TCERG1: variants seen among roughly 807,000 people sequenced by gnomAD.
TCERG1 encodes TATA box binding protein (TBP)-associated factor, RNA polymerase II, S, 150kD.
In TCERG1, 37 loss-of-function variants were observed where a neutral mutation model predicts 144.7. That is an observed-to-expected ratio of 0.26 (90% CI 0.20 to 0.34). The LOEUF is 0.34. TCERG1 is among the 10% of genes least tolerant of loss of function. The pLI, the probability that TCERG1 is intolerant of heterozygous loss-of-function variation, is 1.00. For synonymous variants in TCERG1, 492 were observed against 458.2 expected, an observed-to-expected ratio of 1.07 and a Z score of -0.94; for missense variants, 1,027 against 1,380.7, an observed-to-expected ratio of 0.74 and a Z score of 4.06.
intron 1 of TCERG1, among the ~76,000 whole-genome samples, chr5:146,451,988 A>T (rs761262598): frequency 6.6e-6 from 1 of 151,578 alleles, no homozygotes; most frequent in South Asian, 2.1e-4. Context: ...GGGTTTTGCT[A>T]TGTTGGCCAG....
In TCERG1 at chr5:146,469,965, T is replaced by A. The variant is rs199592932; in HGVS notation, c.1399+221T>A. 2.6e-4 allele frequency among the ~76,000 whole-genome samples: 39 copies of A among 152,320 alleles called. No individual in the cohort carries two copies. The East Asian group carries it at 5.2e-3, about 20-fold the overall frequency. ...TTTTCCATCTGGAGAAATGGTTATA[T>A]GTACGTACATATGTATGTACATATT... On this transcript the variant is annotated intron_variant, in intron 7 of 22. Coordinates refer to ENST00000679501, the MANE Select transcript of TCERG1 (RefSeq NM_001382548.1).
intron 8 of TCERG1, 53 bp downstream of exon 8, chr5:146,470,801 C>A: frequency 1.5e-6 from 2 of 1,303,236 alleles, no homozygotes; most frequent in South Asian, 1.3e-5. Flanking sequence ...TTTCCTACAG[C>A]TTACTTGTAT....
Position 146,491,344 on chromosome 5 carries a change from G to A in TCERG1, c.2164-1576G>A, listed in dbSNP as rs1043162336. Among the ~76,000 whole-genome samples, 4 of 152,076 alleles carry A rather than the reference G, an allele frequency of 2.6e-5. No individual in the cohort carries two copies. The South Asian group carries it at 8.3e-4, about 32-fold the overall frequency. On this transcript the variant is annotated intron_variant, in intron 15 of 22. Coordinates refer to ENST00000679501, the MANE Select transcript of TCERG1 (RefSeq NM_001382548.1). The stretch of plus-strand genomic sequence containing the variant: ...GTGCTTTGGGGCTGTACTGCAGAGT[G>A]GTGGTTCTCAACCACGAGTAGTTTT...
chr5:146,506,579 G>A (rs146092498), intron 19 of TCERG1, among the ~76,000 whole-genome samples: 113 of 152,240 alleles, frequency 7.4e-4, no homozygotes, highest in African/African-American at 2.6e-3. Flanking sequence ...AGTTAACCCT[G>A]GTGTGCAGTA....
chr5:146,455,367 AAT>A lies in TCERG1; in HGVS notation c.285+88_285+89del. 1.5e-5 allele frequency: 22 copies of A among 1,447,114 alleles called. 1 individual carries two copies. In the South Asian group the frequency reaches 2.6e-4, roughly 17 times the overall value. 89.6% of individuals were successfully genotyped at this position (1,447,114 alleles called of 1,614,324 possible). A position where few individuals can be genotyped will look rare whatever the true frequency, so the allele number is the denominator to read the frequency against. The stretch of plus-strand genomic sequence containing the variant: ...TTTGAGTTAAAAACTTACATTCTTA[AAT>A]AGTTTCAGTTTATAGGAAAATGGGA... On this transcript the variant is annotated intron_variant, in intron 2 of 22. Transcript: ENST00000679501.
intron 9 of TCERG1, 199 bp from the exon 10 acceptor site, chr5:146,478,294 A>G (rs1405815546): frequency 2.1e-5 from 9 of 427,540 alleles, no homozygotes; most frequent in East Asian, 3.8e-5. Flanking sequence ...CTCAGTTAAT[A>G]TGTTGATCTG....
intron 19 of TCERG1, chr5:146,504,641 G>A (rs775545681): frequency 3.3e-5 from 5 of 152,530 alleles, no homozygotes; most frequent in Middle Eastern, 6.8e-3. Flanking sequence ...TGCTACTCTT[G>A]TCACTTCTGA....
chr5:146,463,810 T>C lies in TCERG1; in HGVS notation c.1135+17T>C. On this transcript the variant is annotated intron_variant, in intron 5 of 22. Coordinates refer to ENST00000679501, the MANE Select transcript of TCERG1 (RefSeq NM_001382548.1). ...CACTTCCAGGTAAACCAACAGATTA[T>C]AATGGTCTTTCCAGCTATGTTTTCA... is the stretch of plus-strand genomic sequence containing the variant. 7 of 1,614,052 alleles carry C rather than the reference T, an allele frequency of 4.3e-6. No individual in the cohort carries two copies. The highest frequency in any genetic ancestry group is 5.9e-6 in the Non-Finnish European group (7 of 1,179,908).
Position 146,507,833 on chromosome 5 carries a change from G to T in TCERG1, c.2962-40G>T. On this transcript the variant is annotated intron_variant, in intron 20 of 22. Coordinates refer to ENST00000679501, the MANE Select transcript of TCERG1 (RefSeq NM_001382548.1). The surrounding 1 kb of genome is among the most constrained non-coding windows in gnomAD (Gnocchi z 4.6). Reference sequence around the variant, plus strand: ...CTGCAGTTTGACTCCCTAAGTAAAAGTGAGTTGTATTTATGTTTTTTATTC... The same window carrying T: ...CTGCAGTTTGACTCCCTAAGTAAAATTGAGTTGTATTTATGTTTTTTATTC... The T allele has an allele frequency of 6.9e-7, 1 of 1,457,616 alleles. No homozygotes were observed. The highest frequency in any genetic ancestry group is 9.5e-7 in the Non-Finnish European group (1 of 1,051,388). The allele number at this position is 1,457,616 out of a possible 1,614,324, so 90.3% of individuals were successfully genotyped here.
chr5:146,476,621 A>G (rs1265632870), intron 9 of TCERG1, among the ~76,000 whole-genome samples: 1 of 152,204 alleles, frequency 6.6e-6, no homozygotes, highest in Non-Finnish European at 1.5e-5. Context: ...TTCCAAGAAT[A>G]TATTCCTGGG....
chr5:146,499,467 C>T (rs1288047417), intron 17 of TCERG1: 1 of 152,208 alleles, frequency 6.6e-6, no homozygotes, highest in Non-Finnish European at 1.5e-5. Context: ...TTAGCTAAAA[C>T]AGCTTTTATC....
intron 4 of TCERG1, 123 bp from the exon 5 acceptor site, chr5:146,463,428 A>G: frequency 7.1e-7 from 1 of 1,400,928 alleles, no homozygotes; most frequent in Non-Finnish European, 9.6e-7. Flanking sequence ...CTTTTGACAA[A>G]TTTCTTGCAG....
chr5:146,456,629 T>C (rs1334839524), intron 2 of TCERG1, among the ~76,000 whole-genome samples: 1 of 152,210 alleles, frequency 6.6e-6, no homozygotes, highest in African/African-American at 2.4e-5. Context: ...AAAGTACAAC[T>C]TCACACTATT....
chr5:146,486,801 G>A (rs547409281), intron 15 of TCERG1, among the ~76,000 whole-genome samples: 2 of 152,180 alleles, frequency 1.3e-5, no homozygotes, highest in Admixed American at 6.5e-5. Flanking sequence ...CAGGGTGGGC[G>A]TGGTGGCTCA....
In TCERG1 at chr5:146,488,485, A is replaced by T. The variant is rs143314754; in HGVS notation, c.2164-4435A>T. 2.3e-3 allele frequency among the ~76,000 whole-genome samples: 356 copies of T among 152,312 alleles called. 1 individual carries two copies. The highest frequency in any genetic ancestry group is 4.2e-3 in the Admixed American group (65 of 15,302). ...ATAAATATATGAAAAAATGCTCAAC[A>T]TCACTAATCATTGGGGAAATGCAAA... On this transcript the variant is annotated intron_variant, in intron 15 of 22. Coordinates refer to ENST00000679501, the MANE Select transcript of TCERG1 (RefSeq NM_001382548.1).
intron 10 of TCERG1, among the ~76,000 whole-genome samples, 158 bp downstream of exon 10, chr5:146,478,811 G>A (rs1171458881): frequency 1.3e-5 from 2 of 152,140 alleles, no homozygotes; most frequent in African/African-American, 4.8e-5. Flanking sequence ...AAATAATAGA[G>A]ATTAAAAATA....
chr5:146,482,571 CTTATA>C lies in TCERG1; in HGVS notation c.1938-18_1938-14del, dbSNP rs1561675396. On this transcript the variant is annotated splice_polypyrimidine_tract_variant and intron_variant, in intron 13 of 22. Transcript: ENST00000679501. Reference sequence around the variant, plus strand: ...GAATTAATATTTTGTCAGTTGATGTCTTATATTTTATTTTTTATAGGAGAGACGAT... The same window carrying C: ...GAATTAATATTTTGTCAGTTGATGTCTTTTATTTTTTATAGGAGAGACGAT... 2.5e-6 allele frequency: 4 copies of C among 1,581,334 alleles called. No homozygotes were observed. The highest frequency in any genetic ancestry group is 1.4e-5 in the African/African-American group (1 of 72,966).
chr5:146,494,296 G>A (rs1276538078), intron 16 of TCERG1, among the ~76,000 whole-genome samples: 1 of 152,098 alleles, frequency 6.6e-6, no homozygotes, highest in Non-Finnish European at 1.5e-5. Flanking sequence ...ACTCTCAGGA[G>A]TTGCATGTTG....
rs768083522 is a variant in TCERG1, at chr5:146,507,706, AAG to A, written c.2962-165_2962-164del. The A allele has an allele frequency of 6.4e-6, 3 of 471,272 alleles. No individual in the cohort carries two copies. The highest frequency in any genetic ancestry group is 3.4e-5 in the East Asian group (1 of 29,840). 29.2% of individuals were successfully genotyped at this position (471,272 alleles called of 1,614,324 possible). ...ATAACTCTTGTGGCAAGCCAACAAA[AAG>A]AAATTGCATTAACGCTGCTTCCCTG... On this transcript the variant is annotated intron_variant, in intron 20 of 22. Transcript: ENST00000679501. The surrounding 1 kb of genome is among the most constrained non-coding windows in gnomAD (Gnocchi z 4.6).
Sources: gnomAD v4.1 joint callset for allele counts (sites outside exome capture counted in the v4.1 genomes callset) on GRCh38, gnomAD v4.1.1 for gene constraint, Gnocchi (gnomAD v3.1) non-coding constraint, MANE v1.5 for transcripts, NCBI Gene and HGNC (gene_info 2026-07-23, HGNC 2026-07-21) for gene names.